Variants in USP33 observed in about 807,000 individuals in gnomAD.
USP33 encodes ubiquitin carboxyl-terminal hydrolase 33.
In USP33, 46 loss-of-function variants were observed where a neutral mutation model predicts 124.2. That is an observed-to-expected ratio of 0.37 (90% confidence interval 0.29 to 0.47). USP33 has a LOEUF of 0.47. Ranked by LOEUF, USP33 falls within the 20% of genes least tolerant of loss-of-function variation. USP33 has a pLI of 0.99. For synonymous variants in USP33, 350 were observed against 352.3 expected, an observed-to-expected ratio of 0.99 and a Z score of 0.07; for missense variants, 851 against 1,070.6, an observed-to-expected ratio of 0.79 and a Z score of 2.86.
intron 21 of USP33, among the ~76,000 whole-genome samples, chr1:77,709,600 G>A (rs1242374623): frequency 6.6e-6 from 1 of 150,620 alleles, no homozygotes; most frequent in Non-Finnish European, 1.5e-5. Flanking sequence ...TTAACATTCT[G>A]TAAATATAGA....
chr1:77,726,648 G>GAAA (rs112444513), intron 10 of USP33, among the ~76,000 whole-genome samples: 5 of 135,462 alleles, frequency 3.7e-5, no homozygotes, highest in African/African-American at 5.3e-5. Context: ...CCTGTTTCAG[G>GAAA]AAAAAAAAAA....
intron 5 of USP33, among the ~76,000 whole-genome samples, chr1:77,737,617 G>GGGATCAT (rs1678626330): frequency 6.6e-6 from 1 of 152,076 alleles, no homozygotes; most frequent in African/African-American, 2.4e-5. Context: ...CTTCAACAAT[G>GGGATCAT]GGATCATAAG....
chr1:77,701,779 C>T lies in USP33; in HGVS notation c.2407-308G>A, dbSNP rs112462904. 2.1e-4 allele frequency: 40 copies of T among 189,718 alleles called. 1 individual carries two copies. The highest frequency in any genetic ancestry group is 8.7e-4 in the African/African-American group (37 of 42,640). 11.8% of individuals were successfully genotyped at this position (189,718 alleles called of 1,614,324 possible). On this transcript the variant is annotated intron_variant, in intron 21 of 23. Transcript: ENST00000370794. Reference sequence around the variant, plus strand: ...CCGCCTCCCAAGTTCAAGTGATTCTCCAGCCTCAGCCTCCCGGGTAGCTAG... The same window carrying T: ...CCGCCTCCCAAGTTCAAGTGATTCTTCAGCCTCAGCCTCCCGGGTAGCTAG...
chr1:77,700,126 G>A (rs535724779), intron 22 of USP33, among the ~76,000 whole-genome samples: 1 of 152,218 alleles, frequency 6.6e-6, no homozygotes, highest in Admixed American at 6.5e-5. Flanking sequence ...GGGTTGATAG[G>A]TGGAGCAAAT....
In USP33 at chr1:77,702,167, AAAAAAAAAAAC is replaced by A. The variant is rs1557809845; in HGVS notation, c.2407-707_2407-697del. Among the ~76,000 whole-genome samples the A allele has an allele frequency of 1.0e-4, 13 of 125,684 alleles. 1 individual carries two copies. The highest frequency in any genetic ancestry group is 1.2e-4 in the Non-Finnish European group (6 of 51,770). The allele number at this position is 125,684 out of a possible 152,430, so 82.5% of individuals were successfully genotyped here. A position where few individuals can be genotyped will look rare whatever the true frequency, so the allele number is the denominator to read the frequency against. On this transcript the variant is annotated intron_variant, in intron 21 of 23. Transcript: ENST00000370794. ...AAAAAAAAAAAAAAAAAAAAAAAAA[AAAAAAAAAAAC>A]CAGTGGTACAGTAAGATGTATGCTA...
At position 77,729,918 on chromosome 1, in the gene USP33, G is replaced by C; in HGVS notation, c.659C>G (p.Thr220Ser). The C allele has an allele frequency of 1.9e-6, 3 of 1,613,702 alleles. No homozygotes were observed. The highest frequency in any genetic ancestry group is 2.5e-6 in the Non-Finnish European group (3 of 1,179,828). Residue 220 changes from threonine to serine, a missense_variant, in exon 9 of 24, where the codon ACT becomes AGT. Physicochemically the swap from Thr to Ser is moderately conservative, Grantham distance 58. Transcript: ENST00000370794. ...HKSRPGSVVPTTLFQGIKTVN... is the reference protein window; with the variant it reads ...HKSRPGSVVPSTLFQGIKTVN... ...AGTTTTAATTCCTTGAAACAGAGTA[G>C]TAGGCACAACAGATCCTGGCCTGAG...
intron 10 of USP33, among the ~76,000 whole-genome samples, chr1:77,727,511 G>A (rs1202834928): frequency 6.6e-6 from 1 of 152,138 alleles, no homozygotes; most frequent in Non-Finnish European, 1.5e-5. Context: ...AAGCATCTGT[G>A]CACTTTACCC....
intron 15 of USP33, chr1:77,720,470 G>GTA (rs1676455790): frequency 1.0e-6 from 1 of 985,250 alleles, no homozygotes; most frequent in Non-Finnish European, 1.2e-6. Flanking sequence ...CAACCAAATA[G>GTA]TATACCATTC....
At chr1:77,733,854 T>C (rs1315750038) in intron 7 of USP33, among the ~76,000 whole-genome samples, 1 of 152,272 alleles carries the variant, frequency 6.6e-6, no homozygotes, top group Admixed American at 6.5e-5. Context: ...GAAAGGGTAA[T>C]GTCAAAGTCA....
chr1:77,742,553 G>T (rs1679243985), intron 1 of USP33, among the ~76,000 whole-genome samples: 1 of 145,572 alleles, frequency 6.9e-6, no homozygotes, highest in Non-Finnish European at 1.5e-5. Flanking sequence ...TTGCACATAA[G>T]GCTAAGAGAT....
At chr1:77,751,833 C>T (rs1186665277) in intron 1 of USP33, among the ~76,000 whole-genome samples, 1 of 151,780 alleles carries the variant, frequency 6.6e-6, no homozygotes, top group Admixed American at 6.6e-5. Context: ...GGACTACAGG[C>T]ACCCGCCATC....
intron 1 of USP33, among the ~76,000 whole-genome samples, chr1:77,750,844 T>C (rs1227255624): frequency 7.1e-5 from 10 of 140,768 alleles, no homozygotes; most frequent in Non-Finnish European, 3.1e-5. Context: ...AATCATTCTT[T>C]TATTCCTTTA....
chr1:77,724,020 A>C (rs1676882230), intron 11 of USP33, among the ~76,000 whole-genome samples: 3 of 152,088 alleles, frequency 2.0e-5, no homozygotes, highest in Admixed American at 2.0e-4. Context: ...ACATATGAGA[A>C]AATGAACAAA....
rs139217927 is a variant in USP33 at position 77,717,981 on chromosome 1, C to T, written c.1804G>A (p.Val602Ile). The change falls in exon 17 of 24, where the codon GTT becomes ATT. Residue 602 changes from valine (V) to isoleucine (I), a missense_variant. Coordinates refer to ENST00000370794, the MANE Select transcript of USP33 (RefSeq NM_201624.3). ...TCCAAGCCTTCTAGCGGAAATGAAACATGGGTACTGATTTTGGTGGAAAAC... is the reference window on the plus strand; with the variant it reads ...TCCAAGCCTTCTAGCGGAAATGAAATATGGGTACTGATTTTGGTGGAAAAC... ...LMFSTKISTH[V>I]SFPLEGLDLQ... The T allele has an allele frequency of 1.4e-5, 22 of 1,613,850 alleles. No homozygotes were observed. The African/African-American group carries it at 2.9e-4, about 22-fold the overall frequency.
intron 1 of USP33, among the ~76,000 whole-genome samples, chr1:77,748,530 A>G (rs917486913): frequency 1.3e-5 from 2 of 152,038 alleles, no homozygotes; most frequent in African/African-American, 4.8e-5. Flanking sequence ...TTAGCCAGGC[A>G]TGGTGGCAGG....
In USP33 at chr1:77,750,666, A is replaced by C. The variant is rs1680235853; in HGVS notation, c.-51-8918T>G. 2.0e-5 allele frequency among the ~76,000 whole-genome samples: 3 copies of C among 151,034 alleles called. No homozygotes were observed. In the South Asian group the frequency reaches 6.2e-4, roughly 31 times the overall value. On this transcript the variant is annotated intron_variant, in intron 1 of 23. Coordinates refer to ENST00000370794, the MANE Select transcript of USP33 (RefSeq NM_201624.3). ...AAAGAAAGAAAGAAAGAAAGAAAGA[A>C]AGAAAGAAAGAAAGAAAGAAAAAGG...
At chr1:77,718,858 C>A (rs1341712474) in intron 15 of USP33, 3 of 403,782 alleles carry the variant, frequency 7.4e-6, no homozygotes, top group Non-Finnish European at 1.3e-5. Flanking sequence ...GAACCCGGGA[C>A]ACGGAGTTTG....
intron 1 of USP33, among the ~76,000 whole-genome samples, chr1:77,747,649 T>C (rs1679879638): frequency 6.6e-6 from 1 of 152,258 alleles, no homozygotes; most frequent in African/African-American, 2.4e-5. Flanking sequence ...TTAAAAGGTC[T>C]TAATTTTTGT....
intron 1 of USP33, among the ~76,000 whole-genome samples, chr1:77,750,776 G>C (rs1680261136): frequency 6.6e-6 from 1 of 152,130 alleles, no homozygotes. Context: ...TATCAAAATA[G>C]AAAACCCTTA....
Sources: allele counts gnomAD v4.1 joint callset (sites outside exome capture counted in the v4.1 genomes callset), GRCh38; gene constraint gnomAD v4.1.1; transcripts MANE v1.5; gene names NCBI Gene and HGNC (gene_info 2026-07-23, HGNC 2026-07-21).